Variants in EIF4G3 observed in about 807,000 individuals in gnomAD.
EIF4G3 encodes eukaryotic translation initiation factor 4 gamma 3, also known as eIF-4-gamma 3.
In EIF4G3, 34 loss-of-function variants were observed where a neutral mutation model predicts 186.4. The ratio of observed to expected loss-of-function variants is 0.18; its 90% CI spans 0.14 to 0.24. EIF4G3 has a LOEUF of 0.24. EIF4G3 is among the 10% of genes least tolerant of loss of function. The pLI is 1.00. For synonymous variants in EIF4G3, 673 were observed against 679.5 expected (o/e 0.99, Z 0.15); for missense variants, 1,536 against 1,948.5 (o/e 0.79, Z 3.99).
At chr1:21,127,010 G>A (rs772321039) in intron 2 of EIF4G3, among the ~76,000 whole-genome samples, 1 of 151,892 alleles carries the variant, frequency 6.6e-6, no homozygotes, top group Non-Finnish European at 1.5e-5. Context: ...TTGAGAAAAG[G>A]TCTCACTTTG....
intron 29 of EIF4G3, among the ~76,000 whole-genome samples, chr1:20,842,847 T>G (rs943444556): frequency 4.6e-5 from 7 of 151,342 alleles, no homozygotes; most frequent in Non-Finnish European, 1.0e-4. Flanking sequence ...TCTTTTAGTT[T>G]TTTTTTTTTT....
At chr1:20,993,067 T>C (rs2081461331) in intron 7 of EIF4G3, among the ~76,000 whole-genome samples, 1 of 152,196 alleles carries the variant, frequency 6.6e-6, no homozygotes, top group Non-Finnish European at 1.5e-5. Flanking sequence ...AAGAAAACTG[T>C]AATTCTAAAA....
chr1:20,861,973 C>CAA (rs934356852), intron 23 of EIF4G3, among the ~76,000 whole-genome samples: 2 of 139,626 alleles, frequency 1.4e-5, no homozygotes, highest in African/African-American at 5.2e-5. Context: ...GACTCTATCT[C>CAA]AAAAAAAAAA....
At chr1:21,012,524 C>T (rs925343237) in intron 4 of EIF4G3, among the ~76,000 whole-genome samples, 3 of 152,192 alleles carry the variant, frequency 2.0e-5, no homozygotes, top group African/African-American at 7.2e-5. Flanking sequence ...AGGTCCACAT[C>T]ACCCAATGAA....
Position 20,900,911 on chromosome 1 carries a change from T to C in EIF4G3, c.1753-968A>G, listed in dbSNP as rs946352893. ...TATGAAATTATGTTTAAAACAATTTTTGAGTGACAAATACTTCTTTGTTAG... is the reference window on the plus strand; with the variant it reads ...TATGAAATTATGTTTAAAACAATTTCTGAGTGACAAATACTTCTTTGTTAG... On this transcript the variant is annotated intron_variant, in intron 15 of 36. Coordinates refer to ENST00000602326, the MANE Select transcript of EIF4G3 (RefSeq NM_001391906.1). 3.9e-5 allele frequency among the ~76,000 whole-genome samples: 6 copies of C among 152,186 alleles called. No individual in the cohort carries two copies. In the South Asian group the frequency reaches 6.2e-4, roughly 16 times the overall value.
intron 6 of EIF4G3, chr1:20,999,461 T>C (rs2083014499): frequency 3.3e-6 from 1 of 305,976 alleles, no homozygotes; most frequent in Admixed American, 4.2e-5. Context: ...AGAGGGGCCA[T>C]GTTACAAAAT....
At chr1:21,010,835 A>C (rs943200665) in intron 4 of EIF4G3, among the ~76,000 whole-genome samples, 1 of 152,206 alleles carries the variant, frequency 6.6e-6, no homozygotes, top group Non-Finnish European at 1.5e-5. Context: ...AGTGACAGAG[A>C]CCTATCACTG....
At chr1:21,017,357 A>G (rs6426657) in intron 4 of EIF4G3, among the ~76,000 whole-genome samples, 143,479 of 152,060 alleles carry the variant, frequency 0.94, 68,237 homozygotes, top group Middle Eastern at 1. Flanking sequence ...GGCCGGGCGC[A>G]GTGGCTCACG....
chr1:20,809,066 T>A (rs1429977765), intron 36 of EIF4G3, among the ~76,000 whole-genome samples: 1 of 151,960 alleles, frequency 6.6e-6, no homozygotes, highest in East Asian at 1.9e-4. Flanking sequence ...CACCGCCTCA[T>A]GGGTTCAAGT....
In EIF4G3 at chr1:20,858,921, G is replaced by A. The variant is rs560772586; in HGVS notation, c.3245-1424C>T. ...CTGAGGCAGAGAACTGCTTGAATCC[G>A]GGAGGCGGAGGTTGCAGTGAGCCGA... On this transcript the variant is annotated intron_variant, in intron 24 of 36. Coordinates refer to ENST00000602326, the MANE Select transcript of EIF4G3 (RefSeq NM_001391906.1). 3.3e-5 allele frequency among the ~76,000 whole-genome samples: 5 copies of A among 152,316 alleles called. No individual in the cohort carries two copies. The South Asian group carries it at 8.3e-4, about 25-fold the overall frequency.
At chr1:20,929,197 T>G (rs772612054) in intron 14 of EIF4G3, among the ~76,000 whole-genome samples, 1 of 152,196 alleles carries the variant, frequency 6.6e-6, no homozygotes. Flanking sequence ...TTCTGAGCTT[T>G]CTTTGCCTTT....
At chr1:21,087,377 C>G (rs1043737210) in intron 3 of EIF4G3, among the ~76,000 whole-genome samples, 1 of 152,190 alleles carries the variant, frequency 6.6e-6, no homozygotes, top group Non-Finnish European at 1.5e-5. Flanking sequence ...AATCCCAGCA[C>G]TTTCGTAGGC....
At chr1:21,106,051 A>G (rs1194443319) in intron 2 of EIF4G3, among the ~76,000 whole-genome samples, 1 of 150,066 alleles carries the variant, frequency 6.7e-6, no homozygotes, top group Non-Finnish European at 1.5e-5. Flanking sequence ...TAAGTGACAG[A>G]GCAAGACCCT....
chr1:20,886,815 T>C (rs933567107), intron 18 of EIF4G3, among the ~76,000 whole-genome samples: 3 of 152,122 alleles, frequency 2.0e-5, no homozygotes, highest in East Asian at 1.9e-4. Flanking sequence ...CTGTAGATCA[T>C]AAAAGATTCC....
At chr1:20,864,762 C>A in intron 21 of EIF4G3, 50 bp from the exon 22 acceptor site, 2 of 1,387,746 alleles carry the variant, frequency 1.4e-6, no homozygotes, top group Non-Finnish European at 2.0e-6. Flanking sequence ...AGTTGTACTG[C>A]ACAATAAACA....
intron 24 of EIF4G3, among the ~76,000 whole-genome samples, chr1:20,859,333 G>A (rs940170066): frequency 4.6e-5 from 7 of 152,162 alleles, no homozygotes; most frequent in African/African-American, 7.2e-5. Context: ...GTACTAGAGC[G>A]AGGAAGGTAA....
chr1:20,846,701 T>C (rs2071168666), intron 29 of EIF4G3, among the ~76,000 whole-genome samples: 1 of 152,224 alleles, frequency 6.6e-6, no homozygotes, highest in Admixed American at 6.5e-5. Context: ...AAAATGTGGC[T>C]AGCACACTTA....
intron 14 of EIF4G3, among the ~76,000 whole-genome samples, chr1:20,929,066 T>C (rs1216428917): frequency 1.3e-5 from 2 of 152,262 alleles, no homozygotes; most frequent in Admixed American, 1.3e-4. Flanking sequence ...TTTCATTCCT[T>C]ATCATGGTCC....
intron 4 of EIF4G3, among the ~76,000 whole-genome samples, chr1:21,038,836 C>T (rs1012232681): frequency 3.9e-5 from 6 of 152,136 alleles, no homozygotes; most frequent in African/African-American, 1.4e-4. Flanking sequence ...ATGATGCTTT[C>T]TTCACCTACT....
Sources: allele counts gnomAD v4.1 joint callset (sites outside exome capture counted in the v4.1 genomes callset), GRCh38; gene constraint gnomAD v4.1.1; transcripts MANE v1.5; gene names NCBI Gene and HGNC (gene_info 2026-07-23, HGNC 2026-07-21).